Variants in ULK4 observed in about 807,000 individuals in gnomAD.
ULK4 encodes inactive serine/threonine-protein kinase ULK4.
In ULK4, 133 loss-of-function variants were observed where a neutral mutation model predicts 160.6. The ratio of observed to expected loss-of-function variants is 0.83; its 90% CI spans 0.72 to 0.96. The LOEUF (loss-of-function observed/expected upper bound fraction) is 0.96. Among genes scored for constraint, ULK4 ranks in the 40% least tolerant of loss-of-function variants. ULK4 has a pLI of 0.00. For synonymous variants in ULK4, 534 were observed against 539.8 expected (o/e 0.99, Z 0.15); for missense variants, 1,580 against 1,499.5 (o/e 1.05, Z -0.89).
chr3:41,627,756 T>C (rs1559443141), intron 30 of ULK4, among the ~76,000 whole-genome samples: 3 of 152,230 alleles, frequency 2.0e-5, no homozygotes, highest in Admixed American at 6.5e-5. Context: ...ATCACAGATA[T>C]GCATGTATGC....
intron 16 of ULK4, among the ~76,000 whole-genome samples, chr3:41,894,775 T>C (rs1181837786): frequency 1.3e-5 from 2 of 152,176 alleles, no homozygotes; most frequent in African/African-American, 4.8e-5. Context: ...GTCTGAATCC[T>C]AAACCTATGC....
Position 41,613,708 on chromosome 3 carries a change from G to T in ULK4, c.3120+1961C>A, listed in dbSNP as rs550463225. Among the ~76,000 whole-genome samples, 26 of 152,322 alleles carry T rather than the reference G, an allele frequency of 1.7e-4. No individual in the cohort carries two copies. In the East Asian group the frequency reaches 4.8e-3, roughly 28 times the overall value. ...CTCAAAAAAGACAAAAGTAGAATAG[G>T]AATTTAATAATGTTCTTCAAGGACA... On this transcript the variant is annotated intron_variant, in intron 31 of 36. Coordinates refer to ENST00000301831, the MANE Select transcript of ULK4 (RefSeq NM_017886.4).
intron 27 of ULK4, among the ~76,000 whole-genome samples, chr3:41,694,182 A>G (rs2036407178): frequency 6.6e-6 from 1 of 152,236 alleles, no homozygotes; most frequent in Non-Finnish European, 1.5e-5. Context: ...CAATGGCAAG[A>G]AAGAACTGTG....
intron 35 of ULK4, among the ~76,000 whole-genome samples, chr3:41,370,226 T>A (rs2125782066): frequency 6.6e-6 from 1 of 152,248 alleles, no homozygotes; most frequent in African/African-American, 2.4e-5. Context: ...GCATCAAAAC[T>A]TTTGTGGAAC....
intron 12 of ULK4, among the ~76,000 whole-genome samples, chr3:41,901,224 G>C (rs973000765): frequency 4.3e-5 from 6 of 140,264 alleles, no homozygotes; most frequent in African/African-American, 1.6e-4. Flanking sequence ...CTGTCCCCCA[G>C]GCTGGAGTAC....
At chr3:41,685,017 G>A (rs564357735) in intron 27 of ULK4, among the ~76,000 whole-genome samples, 16 of 152,316 alleles carry the variant, frequency 1.1e-4, no homozygotes, top group African/African-American at 3.6e-4. Context: ...CAGTAGCTAA[G>A]GCTTTGCCTT....
At chr3:41,285,384 T>C (rs997840480) in intron 35 of ULK4, among the ~76,000 whole-genome samples, 3 of 152,156 alleles carry the variant, frequency 2.0e-5, no homozygotes, top group South Asian at 2.1e-4. Context: ...GTGGTATATA[T>C]ATATATGATG....
chr3:41,336,536 G>A (rs1039578432), intron 35 of ULK4, among the ~76,000 whole-genome samples: 1 of 152,198 alleles, frequency 6.6e-6, no homozygotes, highest in African/African-American at 2.4e-5. Flanking sequence ...ATGCCTTATG[G>A]CGTAAGGCGA....
chr3:41,719,232 G>T (rs543445794), intron 22 of ULK4, among the ~76,000 whole-genome samples: 1 of 152,110 alleles, frequency 6.6e-6, no homozygotes, highest in South Asian at 2.1e-4. Context: ...CTTAAATGCT[G>T]AAGTCTATCA....
chr3:41,706,889 G>A (rs56055832), intron 25 of ULK4, among the ~76,000 whole-genome samples: 12,625 of 115,396 alleles, frequency 0.11, 1,499 homozygotes, highest in African/African-American at 0.33. Context: ...GTGTGTGTGT[G>A]TATATATATA....
rs546305792 is a variant in ULK4, at chr3:41,624,860, G to C, written c.3072-9143C>G. Among the ~76,000 whole-genome samples, 6 of 152,052 alleles carry C rather than the reference G, an allele frequency of 3.9e-5. No homozygotes were observed. In the East Asian group the frequency reaches 1.2e-3, roughly 29 times the overall value. ...AGTGATGGTCATTTAGGTTGTTTCC[G>C]TATCTTGTCTATTATGGATAATGCT... On this transcript the variant is annotated intron_variant, in intron 30 of 36. Transcript: ENST00000301831.
intron 35 of ULK4, among the ~76,000 whole-genome samples, chr3:41,250,402 C>G (rs1183587562): frequency 6.6e-6 from 1 of 152,158 alleles, no homozygotes; most frequent in Non-Finnish European, 1.5e-5. Flanking sequence ...ATGCTGTTTC[C>G]TATATGTTTT....
At chr3:41,539,985 G>C (rs1026548806) in intron 32 of ULK4, among the ~76,000 whole-genome samples, 88 of 151,992 alleles carry the variant, frequency 5.8e-4, no homozygotes, top group African/African-American at 2.1e-3. Flanking sequence ...GCCAAAGTTA[G>C]AGGAGAATAT....
At chr3:41,333,562 T>C (rs1559529498) in intron 35 of ULK4, among the ~76,000 whole-genome samples, 1 of 152,198 alleles carries the variant, frequency 6.6e-6, no homozygotes, top group Non-Finnish European at 1.5e-5. Context: ...CCTGAAATCT[T>C]GCACATCTTA....
chr3:41,506,022 G>A (rs976342759), intron 32 of ULK4, among the ~76,000 whole-genome samples: 3 of 151,636 alleles, frequency 2.0e-5, no homozygotes, highest in Non-Finnish European at 2.9e-5. Context: ...ATAAATATAT[G>A]TTTGTCAAAT....
At chr3:41,672,269 A>G (rs966694497) in intron 29 of ULK4, among the ~76,000 whole-genome samples, 3 of 152,170 alleles carry the variant, frequency 2.0e-5, no homozygotes. Context: ...ATGCACTCCC[A>G]TGTTTCTTGC....
intron 19 of ULK4, 53 bp from the exon 20 acceptor site, chr3:41,800,346 ATTTC>A: frequency 6.6e-7 from 1 of 1,525,726 alleles, no homozygotes. Flanking sequence ...AATACATGTT[ATTTC>A]TTTATGACCA....
At chr3:41,769,611 C>T (rs2039285876) in intron 21 of ULK4, among the ~76,000 whole-genome samples, 1 of 152,084 alleles carries the variant, frequency 6.6e-6, no homozygotes, top group Admixed American at 6.6e-5. Flanking sequence ...CAAATGGTAA[C>T]CAGCAGTGAT....
chr3:41,939,102 C>A (rs544302554), intron 2 of ULK4, among the ~76,000 whole-genome samples: 1 of 151,370 alleles, frequency 6.6e-6, no homozygotes, highest in Admixed American at 6.6e-5. Flanking sequence ...CACGACTAAA[C>A]CATTAAAGAA....
Sources: allele counts gnomAD v4.1 joint callset (sites outside exome capture counted in the v4.1 genomes callset), GRCh38; gene constraint gnomAD v4.1.1; transcripts MANE v1.5; gene names NCBI Gene and HGNC (gene_info 2026-07-23, HGNC 2026-07-21).